SGCZ: variants seen among roughly 807,000 people sequenced by gnomAD.
SGCZ encodes the protein sarcoglycan zeta.
Under a neutral mutation model 41.3 loss-of-function variants are expected in SGCZ, and 40 were observed. The ratio of observed to expected loss-of-function variants is 0.97; its 90% CI spans 0.75 to 1.26. SGCZ has a LOEUF of 1.26. SGCZ is among the 50% of genes most tolerant of loss of function. The pLI is 0.00. For missense variants in SGCZ, 552 were observed against 369.8 expected (o/e 1.49, Z -4.04); for synonymous variants, 206 against 137.5 (o/e 1.50, Z -3.49).
chr8:14,461,784 A>C (rs571584176), intron 2 of SGCZ, among the ~76,000 whole-genome samples: 1 of 152,094 alleles, frequency 6.6e-6, no homozygotes, highest in African/African-American at 2.4e-5. Flanking sequence ...TTATGATTTC[A>C]CTTCTTATAA....
chr8:14,808,300 C>T (rs1042190597), intron 1 of SGCZ, among the ~76,000 whole-genome samples: 1 of 151,976 alleles, frequency 6.6e-6, no homozygotes, highest in Non-Finnish European at 1.5e-5. Flanking sequence ...AGGCAACCTA[C>T]AAAATGGGAG....
intron 1 of SGCZ, among the ~76,000 whole-genome samples, chr8:14,726,243 A>G (rs1381933938): frequency 6.8e-6 from 1 of 146,418 alleles, no homozygotes; most frequent in Non-Finnish European, 1.5e-5. Flanking sequence ...AGCCTGGGCA[A>G]AAGAGTGAGA....
At chr8:14,958,215 T>G (rs550036253) in intron 1 of SGCZ, among the ~76,000 whole-genome samples, 4 of 151,764 alleles carry the variant, frequency 2.6e-5, no homozygotes, top group Non-Finnish European at 5.9e-5. Context: ...TTCTGATGAG[T>G]AAAAAAGGGA....
intron 1 of SGCZ, among the ~76,000 whole-genome samples, chr8:14,797,049 A>G (rs1230654353): frequency 6.6e-6 from 1 of 152,162 alleles, no homozygotes; most frequent in Admixed American, 6.5e-5. Context: ...ATTTCTTCAT[A>G]GCAGCATGAG....
intron 1 of SGCZ, among the ~76,000 whole-genome samples, chr8:15,143,363 T>A (rs2117002186): frequency 6.6e-6 from 1 of 152,312 alleles, no homozygotes; most frequent in African/African-American, 2.4e-5. Context: ...ATGTTTCTTC[T>A]CACTAGTACT....
intron 1 of SGCZ, among the ~76,000 whole-genome samples, chr8:14,894,575 G>C (rs113884425): frequency 6.6e-6 from 1 of 151,944 alleles, no homozygotes; most frequent in African/African-American, 2.4e-5. Context: ...ATGATCACTG[G>C]GCCTCTCACA....
At chr8:14,604,717 TA>T (rs949729545) in intron 1 of SGCZ, among the ~76,000 whole-genome samples, 2 of 152,174 alleles carry the variant, frequency 1.3e-5, no homozygotes, top group Non-Finnish European at 2.9e-5. Context: ...CAGAAAATTT[TA>T]AAAAATAGCC....
intron 1 of SGCZ, among the ~76,000 whole-genome samples, chr8:14,969,416 T>G (rs1801222810): frequency 6.6e-6 from 1 of 152,058 alleles, no homozygotes; most frequent in East Asian, 1.9e-4. Flanking sequence ...GTATAGAATT[T>G]GGAAAGCTTC....
intron 4 of SGCZ, among the ~76,000 whole-genome samples, chr8:14,183,654 T>C (rs1255492862): frequency 1.3e-5 from 2 of 152,140 alleles, no homozygotes; most frequent in African/African-American, 4.8e-5. Context: ...ACACCACCCA[T>C]GAGAAAAGCG....
rs766118071 is a variant in SGCZ, at chr8:15,138,704, G to C, written c.39+98881C>G. 5.2e-4 allele frequency among the ~76,000 whole-genome samples: 79 copies of C among 152,278 alleles called. 1 individual carries two copies. The Middle Eastern group carries it at 0.027, about 52-fold the overall frequency. ...TTGTAAGTTTCCTGAAGCCGCCTCA[G>C]CCATGCTGAACTGTGAGTCAATTAA... is the stretch of plus-strand genomic sequence containing the variant. On this transcript the variant is annotated intron_variant, in intron 1 of 7. Coordinates refer to ENST00000382080, the MANE Select transcript of SGCZ (RefSeq NM_139167.4).
chr8:14,092,878 A>G (rs1333848923), intron 7 of SGCZ, among the ~76,000 whole-genome samples: 1 of 151,710 alleles, frequency 6.6e-6, no homozygotes, highest in Non-Finnish European at 1.5e-5. Context: ...AACAATATAT[A>G]ATTATTGTCT....
At chr8:14,580,593 A>C (rs1045802594) in intron 1 of SGCZ, among the ~76,000 whole-genome samples, 1 of 152,220 alleles carries the variant, frequency 6.6e-6, no homozygotes, top group Non-Finnish European at 1.5e-5. Flanking sequence ...GAGAAAATAA[A>C]TTGGAAATAC....
chr8:14,314,950 G>T (rs750128081), intron 3 of SGCZ, among the ~76,000 whole-genome samples: 4 of 152,138 alleles, frequency 2.6e-5, no homozygotes, highest in Non-Finnish European at 5.9e-5. Context: ...ACAGAAAAAG[G>T]CTAAGTTCAT....
chr8:15,134,503 C>T (rs946635350), intron 1 of SGCZ, among the ~76,000 whole-genome samples: 1 of 151,202 alleles, frequency 6.6e-6, no homozygotes, highest in Admixed American at 6.6e-5. Context: ...TGAAAAATAG[C>T]GCATTTTTTT....
chr8:14,777,654 T>C (rs1800450361), intron 1 of SGCZ, among the ~76,000 whole-genome samples: 1 of 152,118 alleles, frequency 6.6e-6, no homozygotes, highest in Non-Finnish European at 1.5e-5. Flanking sequence ...GAAATGTACA[T>C]TGAAGTATTT....
At chr8:15,098,321 CTT>C (rs1263608576) in intron 1 of SGCZ, among the ~76,000 whole-genome samples, 1 of 152,154 alleles carries the variant, frequency 6.6e-6, no homozygotes, top group Admixed American at 6.5e-5. Flanking sequence ...CTGTTCACCT[CTT>C]TGGTAATTAT....
intron 2 of SGCZ, 31 bp downstream of exon 2, chr8:14,554,701 C>G: frequency 6.4e-7 from 1 of 1,563,718 alleles, no homozygotes; most frequent in South Asian, 1.2e-5. Context: ...GAACCAAGAG[C>G]AATAAGATGT....
chr8:14,975,792 TATA>T (rs1801449861), intron 1 of SGCZ, among the ~76,000 whole-genome samples: 2 of 90,156 alleles, frequency 2.2e-5, no homozygotes, highest in Non-Finnish European at 4.0e-5. Flanking sequence ...TCCACTTTTA[TATA>T]TATATATATA....
chr8:15,057,864 G>A (rs1056025558), intron 1 of SGCZ, among the ~76,000 whole-genome samples: 1 of 152,060 alleles, frequency 6.6e-6, no homozygotes, highest in Non-Finnish European at 1.5e-5. Flanking sequence ...TGTAGTCAAT[G>A]TATTCACCCA....
Sources: allele counts gnomAD v4.1 joint callset (sites outside exome capture counted in the v4.1 genomes callset), GRCh38; gene constraint gnomAD v4.1.1; transcripts MANE v1.5; gene names NCBI Gene and HGNC (gene_info 2026-07-23, HGNC 2026-07-21).